ATP11B: variants seen among roughly 807,000 people sequenced by gnomAD.
ATP11B encodes phospholipid-transporting ATPase IF.
In ATP11B, 81 loss-of-function variants were observed where a neutral mutation model predicts 157.8. The observed-to-expected ratio is 0.51, with a 90% CI of 0.43 to 0.62. ATP11B has a LOEUF of 0.62. Ranked by LOEUF, ATP11B falls within the 20% of genes least tolerant of loss-of-function variation. The pLI, the probability that ATP11B is intolerant of heterozygous loss-of-function variation, is 0.00. For missense variants in ATP11B, 1,165 were observed against 1,402.2 expected, an observed-to-expected ratio of 0.83 and a Z score of 2.70; for synonymous variants, 451 against 469.4, an observed-to-expected ratio of 0.96 and a Z score of 0.51.
At chr3:182,795,034 C>CAAA (rs10582019) in intron 1 of ATP11B, among the ~76,000 whole-genome samples, 1 of 139,072 alleles carries the variant, frequency 7.2e-6, no homozygotes, top group African/African-American at 2.6e-5. Context: ...GCATCATTCT[C>CAAA]AAAAAAAAAA....
At chr3:182,807,884 A>G (rs1716424500) in intron 1 of ATP11B, among the ~76,000 whole-genome samples, 1 of 152,174 alleles carries the variant, frequency 6.6e-6, no homozygotes, top group African/African-American at 2.4e-5. Context: ...AGTTCTAAGC[A>G]TATTACCTTG....
Position 182,865,654 on chromosome 3 carries a change from A to G in ATP11B, c.1399A>G (p.Thr467Ala), listed in dbSNP as rs763016795. The G allele has an allele frequency of 6.8e-6, 11 of 1,613,420 alleles. No individual in the cohort carries two copies. Among genetic ancestry groups the G allele is most frequent in the East Asian group, 4.5e-5 (2 of 44,826 alleles). The change falls in exon 13 of 30, where the codon ACC (threonine) becomes GCC (alanine). Residue 467 changes from threonine (T) to alanine (A), a missense_variant. By Grantham distance (58) the Thr-to-Ala change is moderately conservative. Around this residue, in one of 4 missense-constraint regions of ATP11B, gnomAD observed 737 missense variants for 930.5 expected, o/e 0.79. Coordinates refer to ENST00000323116, the MANE Select transcript of ATP11B (RefSeq NM_014616.3). ...SHLNNLSHLT[T>A]SSSFRTSPEN... is the part of the protein sequence containing the mutation. ...TCTTAACAACTTATCCCATCTTACAACCAGTTCCTCTTTCAGAACCAGTCC... is the reference window on the plus strand; with the variant it reads ...TCTTAACAACTTATCCCATCTTACAGCCAGTTCCTCTTTCAGAACCAGTCC...
chr3:182,834,363 C>T, intron 4 of ATP11B, among the ~76,000 whole-genome samples: 1 of 151,950 alleles, frequency 6.6e-6, no homozygotes, highest in East Asian at 1.9e-4. Flanking sequence ...ATAATAGATG[C>T]ACATTTTTTT....
chr3:182,897,639 T>A (rs60888816), intron 27 of ATP11B, among the ~76,000 whole-genome samples: 8,383 of 152,082 alleles, frequency 0.055, 782 homozygotes, highest in African/African-American at 0.19. Flanking sequence ...TAATGATCCC[T>A]GTTTTTTTCT....
chr3:182,837,966 A>G (rs1718681529), intron 7 of ATP11B, among the ~76,000 whole-genome samples: 1 of 152,124 alleles, frequency 6.6e-6, no homozygotes, highest in African/African-American at 2.4e-5. Context: ...TTACTCAATA[A>G]GTGGTGGTAG....
intron 24 of ATP11B, 151 bp downstream of exon 24, chr3:182,887,864 T>C: frequency 1.1e-6 from 1 of 896,402 alleles, no homozygotes; most frequent in Non-Finnish European, 1.6e-6. Context: ...GAAAAAAAGG[T>C]TTCTTTCAAA....
intron 1 of ATP11B, among the ~76,000 whole-genome samples, chr3:182,817,398 A>C (rs1248095192): frequency 6.6e-6 from 1 of 151,950 alleles, no homozygotes; most frequent in Non-Finnish European, 1.5e-5. Context: ...CCCCTGCCAC[A>C]GCCTCCCAAA....
At chr3:182,848,974 C>A (rs945752992) in intron 10 of ATP11B, among the ~76,000 whole-genome samples, 2 of 152,132 alleles carry the variant, frequency 1.3e-5, no homozygotes, top group Non-Finnish European at 2.9e-5. Context: ...GAGGGCACTC[C>A]CCAGTTTATG....
intron 21 of ATP11B, among the ~76,000 whole-genome samples, chr3:182,882,912 A>T (rs1344950667): frequency 6.6e-6 from 1 of 152,208 alleles, no homozygotes; most frequent in African/African-American, 2.4e-5. Context: ...TCTAAAAAGA[A>T]TACTAAATGT....
At chr3:182,913,649 T>C (rs145619241) in intron 28 of ATP11B, among the ~76,000 whole-genome samples, 1,676 of 152,348 alleles carry the variant, frequency 0.011, 14 homozygotes, top group Middle Eastern at 0.034. Context: ...ATTATTTTAC[T>C]AGACCTCTAA....
chr3:182,846,050 T>G (rs1719496173), intron 9 of ATP11B, among the ~76,000 whole-genome samples: 1 of 152,194 alleles, frequency 6.6e-6, no homozygotes, highest in African/African-American at 2.4e-5. Context: ...TGCTCTTGTC[T>G]TGGAGATCTA....
rs1725389551 is a variant in ATP11B at position 182,920,319 on chromosome 3, A to G, written c.*2215A>G. 1 of 152,206 alleles carries G rather than the reference A, an allele frequency of 6.6e-6. No individual in the cohort carries two copies. Among genetic ancestry groups the G allele is most frequent in the Non-Finnish European group, 1.5e-5 (1 of 68,030 alleles). The allele number at this position is 152,206 out of a possible 1,614,324, so 9.4% of individuals were successfully genotyped here. A position where few individuals can be genotyped will look rare whatever the true frequency, so the allele number is the denominator to read the frequency against. ...GTGCTCATCCTGAACTGTTACTCCA[A>G]ATCCACTCCGTTTTTAAAGCAAAAT... On this transcript the variant is annotated 3_prime_UTR_variant, in exon 30 of 30. Transcript: ENST00000323116.
At chr3:182,806,804 A>G (rs1256445014) in intron 1 of ATP11B, among the ~76,000 whole-genome samples, 2 of 152,172 alleles carry the variant, frequency 1.3e-5, no homozygotes, top group East Asian at 3.8e-4. Flanking sequence ...AAAGGTACCC[A>G]GCTTTTTCCA....
intron 12 of ATP11B, among the ~76,000 whole-genome samples, chr3:182,861,943 CAAA>C (rs35665738): frequency 9.6e-5 from 13 of 135,682 alleles, no homozygotes; most frequent in African/African-American, 2.8e-4. Flanking sequence ...GACCCTGTCT[CAAA>C]AAAAAAAAAA....
intron 28 of ATP11B, among the ~76,000 whole-genome samples, chr3:182,903,825 A>C (rs529264776): frequency 2.0e-5 from 3 of 152,230 alleles, no homozygotes; most frequent in African/African-American, 2.4e-5. Flanking sequence ...TTAAAAGCAC[A>C]CTCTGGCCAA....
intron 22 of ATP11B, among the ~76,000 whole-genome samples, chr3:182,885,747 G>A (rs2108565686): frequency 6.6e-6 from 1 of 152,148 alleles, no homozygotes; most frequent in Middle Eastern, 3.4e-3. Flanking sequence ...TCTGATGTCT[G>A]CACTGTTGCT....
intron 10 of ATP11B, among the ~76,000 whole-genome samples, chr3:182,855,626 A>G (rs1720335630): frequency 6.6e-6 from 1 of 152,154 alleles, no homozygotes; most frequent in South Asian, 2.1e-4. Context: ...GCAAACCACA[A>G]ATCTTCCAGA....
In ATP11B at chr3:182,919,585, G is replaced by T. The variant is rs908443029; in HGVS notation, c.*1481G>T. 2.0e-5 allele frequency: 3 copies of T among 152,206 alleles called. No individual in the cohort carries two copies. Among genetic ancestry groups the T allele is most frequent in the African/African-American group, 7.2e-5 (3 of 41,430 alleles). 9.4% of individuals were successfully genotyped at this position (152,206 alleles called of 1,614,324 possible). A position where few individuals can be genotyped will look rare whatever the true frequency, so the allele number is the denominator to read the frequency against. On this transcript the variant is annotated 3_prime_UTR_variant, in exon 30 of 30. Transcript: ENST00000323116. ...CATATTAAGATAATGGTTAAATGCG[G>T]TTTTACCAAGTTTTCCCTTGAAAAT...
intron 1 of ATP11B, among the ~76,000 whole-genome samples, chr3:182,806,109 A>T (rs1303538124): frequency 1.3e-5 from 2 of 152,128 alleles, no homozygotes; most frequent in Non-Finnish European, 2.9e-5. Context: ...TTTCATAGTC[A>T]CTATTGAATG....
Sources: gnomAD v4.1 joint callset for allele counts (sites outside exome capture counted in the v4.1 genomes callset) on GRCh38, gnomAD v4.1.1 for gene constraint, gnomAD v4.1.1 regional missense constraint, MANE v1.5 for transcripts, NCBI Gene and HGNC (gene_info 2026-07-23, HGNC 2026-07-21) for gene names.